CHRDL2: variants seen among roughly 807,000 people sequenced by gnomAD.
The protein encoded by CHRDL2 is chordin like 2.
Under a neutral mutation model 54.3 loss-of-function variants are expected in CHRDL2, and 41 were observed. The ratio of observed to expected loss-of-function variants is 0.76; its 90% confidence interval spans 0.59 to 0.98. The LOEUF is 0.98. CHRDL2 is among the 50% of genes least tolerant of loss of function. The pLI is 0.00. For synonymous variants in CHRDL2, 220 were observed against 224.3 expected, an observed-to-expected ratio of 0.98 and a Z score of 0.17; for missense variants, 518 against 562.4, an observed-to-expected ratio of 0.92 and a Z score of 0.80.
intron 4 of CHRDL2, 41 bp downstream of exon 4, chr11:74,710,808 A>G (rs769665958): frequency 6.2e-7 from 1 of 1,602,702 alleles, no homozygotes; most frequent in African/African-American, 1.3e-5. Context: ...TTGCAGGCCC[A>G]GAGCGCTGGC....
intron 3 of CHRDL2, among the ~76,000 whole-genome samples, chr11:74,712,523 T>A (rs1322513408): frequency 6.6e-6 from 1 of 151,416 alleles, no homozygotes; most frequent in Non-Finnish European, 1.5e-5. Context: ...AGAGCCACTG[T>A]CCCCCCGGGG....
intron 1 of CHRDL2, among the ~76,000 whole-genome samples, chr11:74,720,758 C>G (rs1163401046): frequency 6.6e-6 from 1 of 152,214 alleles, no homozygotes; most frequent in Non-Finnish European, 1.5e-5. Context: ...CAGGAATTCC[C>G]TCTCAGCACT....
In CHRDL2 at chr11:74,716,539, C is replaced by G. The variant is rs573132202; in HGVS notation, c.195+2181G>C. On this transcript the variant is annotated intron_variant, in intron 2 of 10. Transcript: ENST00000376332. ...GCCTGGTGACAGCATGACTCCATCT[C>G]CAAAAAAAAAAAAAAAAAAAGAAAG... Among the ~76,000 whole-genome samples the G allele has an allele frequency of 7.0e-3, 451 of 64,260 alleles. 3 individuals are homozygous for G. Among genetic ancestry groups the G allele is most frequent in the African/African-American group, 0.02 (357 of 18,002 alleles). The allele number at this position is 64,260 out of a possible 152,430, so 42.2% of individuals were successfully genotyped here.
At chr11:74,717,569 G>GT (rs1391239122) in intron 2 of CHRDL2, among the ~76,000 whole-genome samples, 1 of 152,172 alleles carries the variant, frequency 6.6e-6, no homozygotes, top group East Asian at 1.9e-4. Context: ...GGTAGAAGCA[G>GT]TGGTGAGTCA....
At chr11:74,700,343 T>A (rs2033758294) in intron 9 of CHRDL2, among the ~76,000 whole-genome samples, 1 of 152,204 alleles carries the variant, frequency 6.6e-6, no homozygotes, top group South Asian at 2.1e-4. Context: ...CAGTGTACCC[T>A]TTTTGCCTCT....
At chr11:74,713,664 G>A (rs544077149) in intron 2 of CHRDL2, among the ~76,000 whole-genome samples, 185 bp from the exon 3 acceptor site, 1 of 152,284 alleles carries the variant, frequency 6.6e-6, no homozygotes, top group Non-Finnish European at 1.5e-5. Context: ...GATCTCACTT[G>A]GCCCACATAT....
chr11:74,724,151 T>C (rs2034537931), intron 1 of CHRDL2, among the ~76,000 whole-genome samples: 1 of 152,216 alleles, frequency 6.6e-6, no homozygotes, highest in African/African-American at 2.4e-5. Flanking sequence ...TCTAGGAACA[T>C]GCCTGAGCTG....
chr11:74,701,511 C>T (rs188409389), intron 9 of CHRDL2: 48 of 677,510 alleles, frequency 7.1e-5, no homozygotes, highest in South Asian at 3.0e-4. Flanking sequence ...ATTCCTCCTA[C>T]GACAGGGGGC....
At chr11:74,727,620 G>A (rs754506980) in intron 1 of CHRDL2, among the ~76,000 whole-genome samples, 43 of 151,968 alleles carry the variant, frequency 2.8e-4, no homozygotes, top group Admixed American at 2.0e-3. Context: ...TCTCAGGCTG[G>A]TCTCAAACTC....
chr11:74,730,687 C>A, intron 1 of CHRDL2, 120 bp downstream of exon 1: 2 of 947,810 alleles, frequency 2.1e-6, no homozygotes, highest in Non-Finnish European at 3.3e-6. Context: ...CTCCACCCCT[C>A]CGGCACAGGT....
intron 3 of CHRDL2, among the ~76,000 whole-genome samples, chr11:74,711,888 C>T (rs1485900613): frequency 6.6e-6 from 1 of 151,962 alleles, no homozygotes; most frequent in Non-Finnish European, 1.5e-5. Context: ...CAGCTCACTG[C>T]AACCTCCACC....
intron 6 of CHRDL2, among the ~76,000 whole-genome samples, chr11:74,705,669 T>TA (rs2033986789): frequency 6.6e-6 from 1 of 152,136 alleles, no homozygotes; most frequent in Admixed American, 6.5e-5. Flanking sequence ...GGGTTTCACT[T>TA]ACGCACTGCC....
chr11:74,729,916 T>G (rs2034626430), intron 1 of CHRDL2, among the ~76,000 whole-genome samples: 1 of 152,182 alleles, frequency 6.6e-6, no homozygotes, highest in Non-Finnish European at 1.5e-5. Context: ...ATGTAACCTG[T>G]TTGATGTTAC....
chr11:74,698,012 C>T lies in CHRDL2; in HGVS notation c.1121-715G>A, dbSNP rs2033659645. On this transcript the variant is annotated intron_variant, in intron 9 of 10. Coordinates refer to ENST00000376332, the MANE Select transcript of CHRDL2 (RefSeq NM_001278473.3). Reference sequence around the variant, plus strand: ...TGAGGAGGCCAAGCCTTTTCAAATGCCGTTCCCTCTGCTGGAATATCTTCT... The same window carrying T: ...TGAGGAGGCCAAGCCTTTTCAAATGTCGTTCCCTCTGCTGGAATATCTTCT... Among the ~76,000 whole-genome samples the T allele has an allele frequency of 2.0e-5, 3 of 152,066 alleles. No individual in the cohort carries two copies. In the South Asian group the frequency reaches 6.2e-4, roughly 32 times the overall value.
At position 74,706,476 on chromosome 11, in the gene CHRDL2, C is replaced by G. The variant is rs184739488; in HGVS notation, c.582+11G>C. On this transcript the variant is annotated intron_variant, in intron 6 of 10. Coordinates refer to ENST00000376332, the MANE Select transcript of CHRDL2 (RefSeq NM_001278473.3). ...CTGTCCCGCACCCCGTCAATAAGGC[C>G]GTGCACTCACCACCCCATGGAGCGA... is the stretch of plus-strand genomic sequence containing the variant. 1 of 1,613,746 alleles carries G rather than the reference C, an allele frequency of 6.2e-7. No homozygotes were observed. Among genetic ancestry groups the G allele is most frequent in the African/African-American group, 1.3e-5 (1 of 74,904 alleles).
Position 74,718,802 on chromosome 11 carries a change from T to A in CHRDL2, c.113A>T (p.Lys38Met), listed in dbSNP as rs1223048898. 1 of 1,605,318 alleles carries A rather than the reference T, an allele frequency of 6.2e-7. No homozygotes were observed. The highest frequency in any genetic ancestry group is 1.7e-5 in the Admixed American group (1 of 59,916). Residue 38 changes from lysine (K) to methionine (M), a missense_variant, in exon 2 of 11, where the codon AAG becomes ATG. By Grantham distance (95) the Lys-to-Met change is moderately conservative. Coordinates refer to ENST00000376332, the MANE Select transcript of CHRDL2 (RefSeq NM_001278473.3). ...RPDMFCLFHGKRYSPGESWHP... is the reference protein window; with the variant it reads ...RPDMFCLFHGMRYSPGESWHP... ...CCAGCTCTCGCCGGGGGAGTATCTC[T>A]TCCCATGGAAAAGGCAGAACATGTC...
chr11:74,696,711 C>T (rs772143858), intron 10 of CHRDL2, 126 bp from the exon 11 acceptor site: 5 of 701,998 alleles, frequency 7.1e-6, no homozygotes, highest in Non-Finnish European at 2.5e-6. Flanking sequence ...TTGGAGCCCA[C>T]AGGGAGCCTG....
At chr11:74,724,311 C>T (rs1476849748) in intron 1 of CHRDL2, among the ~76,000 whole-genome samples, 1 of 152,254 alleles carries the variant, frequency 6.6e-6, no homozygotes, top group Non-Finnish European at 1.5e-5. Flanking sequence ...ACACTAGCTC[C>T]CTTTCCCACA....
chr11:74,711,009 C>CAGGA lies in CHRDL2; in HGVS notation c.290-22_290-19dup. The CAGGA allele has an allele frequency of 6.3e-7, 1 of 1,598,424 alleles. No individual in the cohort carries two copies. Among genetic ancestry groups the CAGGA allele is most frequent in the South Asian group, 1.1e-5 (1 of 88,928 alleles). On this transcript the variant is annotated intron_variant, in intron 3 of 10. Transcript: ENST00000376332. ...GTGAGGTTCTGCAGTGGGGGAGGGG[C>CAGGA]AGGAGGAAGAAGAAAATGAGGTTTC...
Sources: allele counts gnomAD v4.1 joint callset (sites outside exome capture counted in the v4.1 genomes callset), GRCh38; gene constraint gnomAD v4.1.1; transcripts MANE v1.5; gene names NCBI Gene and HGNC (gene_info 2026-07-23, HGNC 2026-07-21).